Variants in FAT3 observed in about 807,000 individuals in gnomAD.
FAT3 encodes the protein FAT atypical cadherin 3, also known as protocadherin Fat 3.
Under a neutral mutation model 310.2 loss-of-function variants are expected in FAT3, and 95 were observed. That is an observed-to-expected ratio of 0.31 (90% CI 0.26 to 0.36). FAT3 has a LOEUF of 0.36. FAT3 is among the 10% of genes least tolerant of loss of function. FAT3 has a pLI of 1.00. For missense variants in FAT3, 5,408 were observed against 5,715.6 expected (o/e 0.95, Z 1.74); for synonymous variants, 2,314 against 2,192.9 (o/e 1.06, Z -1.54).
Position 92,834,988 on chromosome 11 carries a change from C to T in FAT3, c.9990C>T (p.Asn3330=), listed in dbSNP as rs1303506161. 1 of 1,613,574 alleles carries T rather than the reference C, an allele frequency of 6.2e-7. No individual in the cohort carries two copies. Among genetic ancestry groups the T allele is most frequent in the Non-Finnish European group, 8.5e-7 (1 of 1,179,774 alleles). Residue 3330 remains asparagine, a synonymous_variant, in exon 15 of 28, where the codon AAC becomes AAT. Transcript: ENST00000525166. The part of the protein sequence containing the change: ...ALSAVATVNI[N]LTDVNDNPPK... Reference sequence around the variant, plus strand: ...GCGCTGTGGCCACTGTCAACATCAACCTCACAGATGTTAATGACAACCCTC... The same window carrying T: ...GCGCTGTGGCCACTGTCAACATCAATCTCACAGATGTTAATGACAACCCTC...
intron 1 of FAT3, among the ~76,000 whole-genome samples, chr11:92,289,799 G>A (rs879670706): frequency 1.3e-5 from 2 of 151,958 alleles, no homozygotes; most frequent in Non-Finnish European, 2.9e-5. Context: ...TGGTCTCTTT[G>A]CTTCTGCCCT....
chr11:92,384,892 T>G (rs936563582), intron 2 of FAT3, among the ~76,000 whole-genome samples: 1 of 152,206 alleles, frequency 6.6e-6, no homozygotes, highest in Non-Finnish European at 1.5e-5. Flanking sequence ...TAAAGCTTGC[T>G]TCCACGGAGC....
At chr11:92,596,617 A>G (rs1398637314) in intron 3 of FAT3, among the ~76,000 whole-genome samples, 1 of 152,214 alleles carries the variant, frequency 6.6e-6, no homozygotes, top group Admixed American at 6.5e-5. Flanking sequence ...CTGTTGAAGC[A>G]GATAGCAGGC....
At chr11:92,723,928 A>G (rs1013445558) in intron 4 of FAT3, among the ~76,000 whole-genome samples, 5 of 152,180 alleles carry the variant, frequency 3.3e-5, no homozygotes, top group African/African-American at 9.6e-5. Flanking sequence ...CATATCACCA[A>G]TCATCAGGTA....
intron 2 of FAT3, among the ~76,000 whole-genome samples, chr11:92,479,112 C>T (rs1421318401): frequency 6.6e-6 from 1 of 151,474 alleles, no homozygotes; most frequent in Non-Finnish European, 1.5e-5. Context: ...AACAATCCAC[C>T]CATCTCAGCC....
chr11:92,651,564 T>A (rs1040941931), intron 3 of FAT3, among the ~76,000 whole-genome samples: 1 of 151,584 alleles, frequency 6.6e-6, no homozygotes, highest in Non-Finnish European at 1.5e-5. Context: ...GTTGAGACAC[T>A]TTTTTTTGTC....
intron 3 of FAT3, among the ~76,000 whole-genome samples, chr11:92,627,399 AG>A (rs1332651826): frequency 9.9e-5 from 15 of 152,158 alleles, no homozygotes; most frequent in Admixed American, 2.0e-4. Flanking sequence ...CCTCCTCTGA[AG>A]TTCTCCTTAT....
intron 4 of FAT3, among the ~76,000 whole-genome samples, chr11:92,719,409 C>T (rs1355178468): frequency 6.6e-6 from 1 of 152,020 alleles, no homozygotes; most frequent in Non-Finnish European, 1.5e-5. Context: ...AGGATTGGTT[C>T]CAAGAACCCC....
chr11:92,523,073 G>C (rs1042726433), intron 2 of FAT3, among the ~76,000 whole-genome samples: 2 of 152,100 alleles, frequency 1.3e-5, no homozygotes, highest in Non-Finnish European at 2.9e-5. Context: ...AGTCATCCTG[G>C]TGGTCTTATA....
chr11:92,767,606 A>G (rs1288413704), intron 6 of FAT3, among the ~76,000 whole-genome samples: 2 of 151,950 alleles, frequency 1.3e-5, no homozygotes, highest in Non-Finnish European at 2.9e-5. Context: ...CAGGCTTGCA[A>G]CTCTTCATCA....
rs147119361 is a variant in FAT3, at chr11:92,716,970, A to T, written c.3669+19525A>T. On this transcript the variant is annotated intron_variant, in intron 4 of 27. Transcript: ENST00000525166. ...CAGGCAGACCAAGGTTTGAATCAAG[A>T]TTCTGCCATATATTTGCTGAATGAT... is the stretch of plus-strand genomic sequence containing the variant. Among the ~76,000 whole-genome samples, 1,477 of 149,270 alleles carry T rather than the reference A, an allele frequency of 9.9e-3. 21 individuals carry two copies. The highest frequency in any genetic ancestry group is 0.035 in the African/African-American group (1,414 of 40,348).
At chr11:92,442,780 T>A (rs1221486014) in intron 2 of FAT3, among the ~76,000 whole-genome samples, 4 of 152,156 alleles carry the variant, frequency 2.6e-5, no homozygotes, top group African/African-American at 9.7e-5. Context: ...CTATGTCTTG[T>A]GTACTGAAAG....
intron 13 of FAT3, among the ~76,000 whole-genome samples, chr11:92,824,213 C>T (rs987001416): frequency 1.3e-4 from 20 of 151,854 alleles, no homozygotes; most frequent in Non-Finnish European, 2.4e-4. Context: ...AAAAATTAGC[C>T]GGGCATGGTG....
At chr11:92,654,657 C>G (rs985068577) in intron 3 of FAT3, among the ~76,000 whole-genome samples, 4 of 152,192 alleles carry the variant, frequency 2.6e-5, no homozygotes, top group African/African-American at 9.7e-5. Context: ...GTCCCTAACC[C>G]AACCACCACT....
intron 14 of FAT3, among the ~76,000 whole-genome samples, chr11:92,833,152 A>G (rs557536049): frequency 2.6e-5 from 4 of 152,258 alleles, no homozygotes; most frequent in South Asian, 4.1e-4. Flanking sequence ...GACTAAACAT[A>G]CTCATCCTTG....
intron 6 of FAT3, among the ~76,000 whole-genome samples, chr11:92,769,758 A>T (rs1254452161): frequency 6.6e-6 from 1 of 152,212 alleles, no homozygotes; most frequent in Non-Finnish European, 1.5e-5. Flanking sequence ...ACTCCAGTTG[A>T]AATGTCTTTC....
chr11:92,333,122 C>A (rs1947962059), intron 1 of FAT3, among the ~76,000 whole-genome samples: 1 of 152,082 alleles, frequency 6.6e-6, no homozygotes, highest in Non-Finnish European at 1.5e-5. Flanking sequence ...AACTGGACAG[C>A]AAGCTGAAAA....
In FAT3 at chr11:92,790,226, C is replaced by T. The variant is rs551956393; in HGVS notation, c.4611+8C>T. The stretch of plus-strand genomic sequence containing the variant: ...CACATTCTCAACATAATGGTAGGAC[C>T]AAAATCCTAATTAGCACTCCTACAG... On this transcript the variant is annotated splice_region_variant and intron_variant, in intron 8 of 27. Transcript: ENST00000525166. The T allele has an allele frequency of 4.4e-5, 71 of 1,612,502 alleles. 1 individual carries two copies. The East Asian group carries it at 1.6e-3, about 36-fold the overall frequency.
intron 2 of FAT3, among the ~76,000 whole-genome samples, chr11:92,390,722 C>T (rs1009216497): frequency 1.3e-5 from 2 of 152,142 alleles, no homozygotes; most frequent in African/African-American, 2.4e-5. Context: ...GTGAAGAATA[C>T]TCTAATATGG....
Sources: allele counts gnomAD v4.1 joint callset (sites outside exome capture counted in the v4.1 genomes callset), GRCh38; gene constraint gnomAD v4.1.1; transcripts MANE v1.5; gene names NCBI Gene and HGNC (gene_info 2026-07-23, HGNC 2026-07-21).